MTCL1: variants seen among roughly 807,000 people sequenced by gnomAD.
MTCL1 encodes the protein microtubule cross-linking factor 1.
Under a neutral mutation model 141.4 loss-of-function variants are expected in MTCL1, and 79 were observed. That is an observed-to-expected ratio of 0.56 (90% CI 0.47 to 0.67). The LOEUF (loss-of-function observed/expected upper bound fraction) is 0.67, where lower values mean the gene tolerates loss of function less well. Ranked by LOEUF, MTCL1 falls within the 30% of genes least tolerant of loss-of-function variation. The probability of loss-of-function intolerance (pLI) is 0.00; values close to 1 mark genes in which losing one functional copy is unlikely to be tolerated. For missense variants in MTCL1, 2,177 were observed against 2,113.9 expected (o/e 1.03, Z -0.59); for synonymous variants, 914 against 875.8 (o/e 1.04, Z -0.77).
In MTCL1 at chr18:8,783,911, T is replaced by TC; in HGVS notation, c.802dup (p.Leu268ProfsTer6). Reference sequence around the variant, plus strand: ...CATTCCTACCTCACCCTTCGGTGACTCCCTGGAGTCCTCCACTGAGCTCCG... The same window carrying TC: ...CATTCCTACCTCACCCTTCGGTGACTCCCCTGGAGTCCTCCACTGAGCTCCG... On this transcript the variant is annotated frameshift_variant, in exon 6 of 17. Coordinates refer to ENST00000359865, the Ensembl canonical transcript of MTCL1. LOFTEE classifies it high-confidence loss of function. 1.2e-6 allele frequency: 2 copies of TC among 1,613,386 alleles called. No individual in the cohort carries two copies. Among genetic ancestry groups the TC allele is most frequent in the Non-Finnish European group, 1.7e-6 (2 of 1,180,014 alleles).
chr18:8,753,557 G>A (rs2096382493), intron 4 of MTCL1, among the ~76,000 whole-genome samples: 1 of 152,218 alleles, frequency 6.6e-6, no homozygotes, highest in South Asian at 2.1e-4. Flanking sequence ...AGACAGTCCA[G>A]CTCTGCCCTG....
intron 4 of MTCL1, among the ~76,000 whole-genome samples, chr18:8,746,038 T>A (rs970009412): frequency 6.6e-6 from 1 of 152,246 alleles, no homozygotes; most frequent in Non-Finnish European, 1.5e-5. Flanking sequence ...ATGTCCTGAA[T>A]CCATGCTTGG....
At chr18:8,725,216 T>C (rs1010692408) in intron 4 of MTCL1, among the ~76,000 whole-genome samples, 6 of 152,134 alleles carry the variant, frequency 3.9e-5, no homozygotes, top group Non-Finnish European at 8.8e-5. Context: ...ATCATTCCAG[T>C]GAGCTCAGGT....
intron 4 of MTCL1, among the ~76,000 whole-genome samples, chr18:8,723,908 C>G (rs484325): frequency 4.7e-4 from 71 of 151,934 alleles, no homozygotes; most frequent in African/African-American, 1.4e-3. Context: ...ACATACTGTT[C>G]GATTCCATTG....
At position 8,792,361 on chromosome 18, in the gene MTCL1, A is replaced by T. The variant is rs142411483; in HGVS notation, c.1888-637A>T. 2.4e-3 allele frequency among the ~76,000 whole-genome samples: 372 copies of T among 152,322 alleles called. 4 individuals carry two copies. The highest frequency in any genetic ancestry group is 8.3e-3 in the African/African-American group (347 of 41,570). On this transcript the variant is annotated intron_variant, in intron 7 of 16. Coordinates refer to ENST00000359865, the Ensembl canonical transcript of MTCL1. Reference sequence around the variant, plus strand: ...GATACAGATTCCACCACCTGTCTTTAAACGTAGTAAGTACATCTTTGTGCG... The same window carrying T: ...GATACAGATTCCACCACCTGTCTTTTAACGTAGTAAGTACATCTTTGTGCG...
chr18:8,815,387 G>A (rs1209237908), intron 12 of MTCL1, among the ~76,000 whole-genome samples: 2 of 151,922 alleles, frequency 1.3e-5, no homozygotes, highest in African/African-American at 2.4e-5. Flanking sequence ...ACCGAACACC[G>A]CATATTCTCA....
chr18:8,759,564 G>T (rs73939528), intron 4 of MTCL1, among the ~76,000 whole-genome samples: 1,825 of 152,198 alleles, frequency 0.012, 43 homozygotes, highest in African/African-American at 0.042. Flanking sequence ...AGTTGGAGAG[G>T]TTCTCACTTG....
At chr18:8,819,935 C>T (rs2076787138) in intron 13 of MTCL1, among the ~76,000 whole-genome samples, 1 of 152,016 alleles carries the variant, frequency 6.6e-6, no homozygotes, top group Non-Finnish European at 1.5e-5. Flanking sequence ...AATAATAGTA[C>T]AGTCTTCTGA....
chr18:8,827,434 C>T (rs2077060723), intron 15 of MTCL1, among the ~76,000 whole-genome samples: 1 of 152,218 alleles, frequency 6.6e-6, no homozygotes, highest in South Asian at 2.1e-4. Context: ...GTGGCAATTC[C>T]ATATGGTTCA....
intron 4 of MTCL1, among the ~76,000 whole-genome samples, chr18:8,750,300 C>A (rs2096364038): frequency 6.6e-6 from 1 of 152,238 alleles, no homozygotes. Context: ...CCCGCCTCAG[C>A]CTCCCAGAAT....
intron 4 of MTCL1, among the ~76,000 whole-genome samples, chr18:8,765,076 C>G (rs1312023372): frequency 2.0e-5 from 3 of 152,190 alleles, no homozygotes; most frequent in African/African-American, 7.2e-5. Flanking sequence ...TGAGTTGATA[C>G]CCGGTGGGAT....
At chr18:8,814,804 A>G (rs1360748258) in intron 12 of MTCL1, among the ~76,000 whole-genome samples, 2 of 152,140 alleles carry the variant, frequency 1.3e-5, no homozygotes, top group Non-Finnish European at 2.9e-5. Context: ...GGCTTGTTGG[A>G]CTTGTCACAG....
At chr18:8,784,351 C>A in exon 6 of MTCL1, 3 of 1,538,420 alleles carry the variant, frequency 2.0e-6, no homozygotes, top group Non-Finnish European at 2.6e-6. Context: ...GGCCTGTTGG[C>A]GGGGAGAGTG....
At chr18:8,806,759 A>G in intron 10 of MTCL1, 134 bp from the exon 10 acceptor site, 1 of 381,288 alleles carries the variant, frequency 2.6e-6, no homozygotes, top group Non-Finnish European at 4.9e-6. Flanking sequence ...CAGACTCCCC[A>G]CCCACCCTGC....
chr18:8,763,093 G>C (rs186226388), intron 4 of MTCL1, among the ~76,000 whole-genome samples: 3 of 152,308 alleles, frequency 2.0e-5, no homozygotes, highest in African/African-American at 4.8e-5. Context: ...AACCAAGCCC[G>C]CTCAATACAT....
rs1338133893 is a variant in MTCL1, at chr18:8,810,445, CAG to C, written c.2605-2531_2605-2530del. Among the ~76,000 whole-genome samples, 1 of 152,118 alleles carries C rather than the reference CAG, an allele frequency of 6.6e-6. No individual in the cohort carries two copies. Among genetic ancestry groups the C allele is most frequent in the Non-Finnish European group, 1.5e-5 (1 of 68,028 alleles). On this transcript the variant is annotated intron_variant, in intron 11 of 16. Coordinates refer to ENST00000359865, the Ensembl canonical transcript of MTCL1. The surrounding 1 kb of genome is among the most constrained non-coding windows in gnomAD (Gnocchi z 5.0). ...ATGAGAGACCTGAGAGGTGTGGACA[CAG>C]AGGAGCTTGTGGGCAGAAGGAGTGT...
chr18:8,772,377 CT>C (rs1568005266), intron 4 of MTCL1, among the ~76,000 whole-genome samples: 1 of 152,162 alleles, frequency 6.6e-6, no homozygotes, highest in Non-Finnish European at 1.5e-5. Context: ...GTGATAGTCT[CT>C]TTTCTCTGAC....
chr18:8,727,491 C>G (rs1029264682), intron 4 of MTCL1, among the ~76,000 whole-genome samples: 2 of 152,046 alleles, frequency 1.3e-5, no homozygotes, highest in Admixed American at 1.3e-4. Context: ...CCATTCTGAC[C>G]GGTGTTTGAT....
At position 8,797,337 on chromosome 18, in the gene MTCL1, T is replaced by C. The variant is rs568647; in HGVS notation, c.2242-760T>C. ...CTTTGCCACCTCTGGAATTTGTATATGTTCTTCCTGTTATGCCTCGATTCC... is the reference window on the plus strand; with the variant it reads ...CTTTGCCACCTCTGGAATTTGTATACGTTCTTCCTGTTATGCCTCGATTCC... On this transcript the variant is annotated intron_variant, in intron 9 of 16. Coordinates refer to ENST00000359865, the Ensembl canonical transcript of MTCL1. 3.5e-4 allele frequency among the ~76,000 whole-genome samples: 53 copies of C among 152,374 alleles called. 1 individual carries two copies. The highest frequency in any genetic ancestry group is 1.2e-3 in the African/African-American group (50 of 41,590).
Sources: gnomAD v4.1 joint callset for allele counts (sites outside exome capture counted in the v4.1 genomes callset) on GRCh38, gnomAD v4.1.1 for gene constraint, Gnocchi (gnomAD v3.1) non-coding constraint, MANE v1.5 for transcripts, NCBI Gene and HGNC (gene_info 2026-07-23, HGNC 2026-07-21) for gene names.